Variants in SLFN5 observed in about 807,000 individuals in gnomAD.
SLFN5 encodes the protein schlafen family member 5.
A neutral mutation model predicts 48.5 loss-of-function variants in SLFN5; 34 were observed. The observed-to-expected ratio is 0.70, with a 90% CI of 0.53 to 0.93. The LOEUF (loss-of-function observed/expected upper bound fraction) is 0.93. SLFN5 is among the 40% of genes least tolerant of loss of function. SLFN5 has a pLI of 0.00. For missense variants in SLFN5, 1,006 were observed against 1,071.3 expected (o/e 0.94, Z 0.85); for synonymous variants, 387 against 396.2 (o/e 0.98, Z 0.28).
At chr17:35,261,186 A>G in intron 3 of SLFN5, 90 bp downstream of exon 3, 1 of 1,445,116 alleles carries the variant, frequency 6.9e-7, no homozygotes, top group Non-Finnish European at 9.2e-7. Context: ...TACAGAATCA[A>G]TTCCAGAGGT....
chr17:35,265,035 G>T, intron 4 of SLFN5, 37 bp from the exon 5 acceptor site: 2 of 1,574,042 alleles, frequency 1.3e-6, no homozygotes, highest in Non-Finnish European at 8.6e-7. Flanking sequence ...TGCTTTCTTT[G>T]TTTCATTGGG....
intron 4 of SLFN5, 36 bp downstream of exon 4, chr17:35,264,939 A>G (rs997199570): frequency 2.6e-6 from 4 of 1,538,066 alleles, no homozygotes; most frequent in Non-Finnish European, 3.5e-6. Flanking sequence ...TATTTTCTTG[A>G]GTGACTGTGG....
chr17:35,246,337 C>T (rs1406063273), intron 1 of SLFN5, among the ~76,000 whole-genome samples: 4 of 152,006 alleles, frequency 2.6e-5, no homozygotes, highest in African/African-American at 7.3e-5. Context: ...TTGTGCCTGA[C>T]GTGCAGGTTT....
At chr17:35,262,135 C>G (rs1326089107) in intron 3 of SLFN5, among the ~76,000 whole-genome samples, 12 of 152,038 alleles carry the variant, frequency 7.9e-5, no homozygotes, top group Admixed American at 5.9e-4. Flanking sequence ...AATCCCAGAG[C>G]TTTGGGAGGC....
chr17:35,260,876 G>C, intron 2 of SLFN5, 95 bp from the exon 3 acceptor site: 4 of 1,481,816 alleles, frequency 2.7e-6, no homozygotes, highest in Non-Finnish European at 3.6e-6. Flanking sequence ...CGTGGCTTGA[G>C]TTGTAAGACT....
rs149534353 is a variant in SLFN5 at position 35,243,880 on chromosome 17, C to A, written c.-41+737C>A. The stretch of plus-strand genomic sequence containing the variant: ...ACAGAGGAAGATTTATTCCATTTGG[C>A]CAAAGCGAGAAGGCAAGAGGTCAAG... On this transcript the variant is annotated intron_variant, in intron 1 of 4. Transcript: ENST00000299977. 4.4e-3 allele frequency among the ~76,000 whole-genome samples: 674 copies of A among 152,266 alleles called. 8 individuals are homozygous for A. The highest frequency in any genetic ancestry group is 0.016 in the African/African-American group (656 of 41,552).
intron 1 of SLFN5, among the ~76,000 whole-genome samples, chr17:35,253,690 GTTT>G (rs57606643): frequency 0.021 from 1,560 of 75,964 alleles, 11 homozygotes; most frequent in African/African-American, 0.028. Flanking sequence ...ATAGCTAACA[GTTT>G]TTTTTTTTTT....
Position 35,265,229 on chromosome 17 carries a change from A to G in SLFN5, c.2017A>G (p.Arg673Gly). The change falls in exon 5 of 5, where the codon AGG becomes GGG. Residue 673 changes from arginine (R) to glycine (G), a missense_variant. Physicochemically the swap from Arg to Gly is moderately radical, Grantham distance 125. Transcript: ENST00000299977. ...GKAKFITQTA[R>G]DGPGVLWIFL... ...AGCAAAGTTCATCACTCAGACAGCA[A>G]GGGATGGCCCAGGAGTTCTCTGGAT... The G allele has an allele frequency of 1.2e-6, 2 of 1,614,232 alleles. No homozygotes were observed. Among genetic ancestry groups the G allele is most frequent in the Non-Finnish European group, 1.7e-6 (2 of 1,180,038 alleles).
In SLFN5 at chr17:35,265,534, G is replaced by A. The variant is rs758223051; in HGVS notation, c.2322G>A (p.Ala774=). 33 of 1,614,084 alleles carry A rather than the reference G, an allele frequency of 2.0e-5. No homozygotes were observed. The highest frequency in any genetic ancestry group is 2.7e-5 in the African/African-American group (2 of 74,916). The part of the protein sequence containing the change: ...LNLEEILIYV[A]NKCRFLLRNG... ...TGGAGGAGATACTGATCTATGTAGC[G>A]AATAAATGCCGTTTTCTCTTGCGGA... The change falls in exon 5 of 5, where the codon GCG becomes GCA. Residue 774 remains alanine, a synonymous_variant. Coordinates refer to ENST00000299977, the MANE Select transcript of SLFN5 (RefSeq NM_144975.4).
At chr17:35,261,117 G>A in intron 3 of SLFN5, 21 bp downstream of exon 3, 1 of 1,610,254 alleles carries the variant, frequency 6.2e-7, no homozygotes, top group Non-Finnish European at 8.5e-7. Context: ...ATCTCTGGTT[G>A]CTTTGGAATA....
Position 35,264,476 on chromosome 17 carries a change from C to G in SLFN5, c.1432C>G (p.Leu478Val). 1 of 1,614,124 alleles carries G rather than the reference C, an allele frequency of 6.2e-7. No individual in the cohort carries two copies. The highest frequency in any genetic ancestry group is 8.5e-7 in the Non-Finnish European group (1 of 1,180,002). ...AGTTGCCTATTCTTTGAAGCAGAAG[C>G]TGGTGAACAAAGGCGGCTACACTGG... ...MIVAYSLKQK[L>V]VNKGGYTGRL... Residue 478 changes from leucine (L) to valine (V), a missense_variant, in exon 4 of 5, where the codon CTG becomes GTG. By Grantham distance (32) the Leu-to-Val change is conservative. Coordinates refer to ENST00000299977, the MANE Select transcript of SLFN5 (RefSeq NM_144975.4).
Position 35,264,474 on chromosome 17 carries a change from A to G in SLFN5, c.1430A>G (p.Lys477Arg). 6.2e-7 allele frequency: 1 copy of G among 1,614,168 alleles called. No individual in the cohort carries two copies. The highest frequency in any genetic ancestry group is 8.5e-7 in the Non-Finnish European group (1 of 1,180,016). Residue 477 changes from lysine (K) to arginine (R), a missense_variant, in exon 4 of 5, where the codon AAG (lysine) becomes AGG (arginine). Transcript: ENST00000299977. ...ATAGTTGCCTATTCTTTGAAGCAGA[A>G]GCTGGTGAACAAAGGCGGCTACACT... Reference protein sequence around the residue: ...SMIVAYSLKQKLVNKGGYTGR... With the variant: ...SMIVAYSLKQRLVNKGGYTGR...
intron 1 of SLFN5, among the ~76,000 whole-genome samples, chr17:35,250,536 T>C (rs905228378): frequency 6.6e-6 from 1 of 151,886 alleles, no homozygotes; most frequent in Admixed American, 6.6e-5. Flanking sequence ...GGCGGGCGCC[T>C]GTAGTCCCAG....
chr17:35,248,010 C>T (rs72823702), intron 1 of SLFN5, among the ~76,000 whole-genome samples: 6,644 of 152,204 alleles, frequency 0.044, 182 homozygotes, highest in Middle Eastern at 0.071. Context: ...CCCAACTGTA[C>T]GGTTGGGGAC....
At chr17:35,246,247 G>A (rs2092430317) in intron 1 of SLFN5, among the ~76,000 whole-genome samples, 1 of 151,968 alleles carries the variant, frequency 6.6e-6, no homozygotes, top group Admixed American at 6.6e-5. Context: ...TATCAGTTAT[G>A]TAATTTGCAA....
At chr17:35,244,251 T>G (rs1292075500) in intron 1 of SLFN5, among the ~76,000 whole-genome samples, 1 of 152,092 alleles carries the variant, frequency 6.6e-6, no homozygotes, top group Non-Finnish European at 1.5e-5. Context: ...ATTTTCATGG[T>G]TTCATCACTA....
intron 3 of SLFN5, 144 bp from the exon 4 acceptor site, chr17:35,264,039 A>G (rs1904599148): frequency 4.8e-6 from 5 of 1,047,272 alleles, no homozygotes; most frequent in South Asian, 2.2e-5. Flanking sequence ...TCAAAATAAG[A>G]ATTGTTTATC....
At chr17:35,256,808 A>C (rs1056297422) in intron 1 of SLFN5, among the ~76,000 whole-genome samples, 1 of 151,926 alleles carries the variant, frequency 6.6e-6, no homozygotes, top group Admixed American at 6.5e-5. Flanking sequence ...AGCCTTCTGA[A>C]ATCTGGCTTC....
In SLFN5 at chr17:35,265,678, G is replaced by A; in HGVS notation, c.2466G>A (p.Glu822=). ...RKRKLSQLHE[E]SDLLLQIGDA... is the part of the protein sequence containing the mutation. ...GAAAACTGTCTCAGCTCCATGAGGA[G>A]TCTGATCTGTTACTACAGATCGGTG... Residue 822 remains glutamate, a synonymous_variant, in exon 5 of 5, where the codon GAG becomes GAA. Transcript: ENST00000299977. The A allele has an allele frequency of 1.2e-6, 2 of 1,614,188 alleles. No individual in the cohort carries two copies. The highest frequency in any genetic ancestry group is 1.7e-6 in the Non-Finnish European group (2 of 1,180,004).
Sources: gnomAD v4.1 joint callset for allele counts (sites outside exome capture counted in the v4.1 genomes callset) on GRCh38, gnomAD v4.1.1 for gene constraint, MANE v1.5 for transcripts, NCBI Gene and HGNC (gene_info 2026-07-23, HGNC 2026-07-21) for gene names.